The following PIP5K1B variants were observed in gnomAD, a reference collection of about 807,000 sequenced individuals.
PIP5K1B encodes the protein phosphatidylinositol-4-phosphate 5-kinase type 1 beta.
Under a neutral mutation model 67.0 loss-of-function variants are expected in PIP5K1B, and 42 were observed. The ratio of observed to expected loss-of-function variants is 0.63; its 90% CI spans 0.49 to 0.81. The LOEUF (loss-of-function observed/expected upper bound fraction) is 0.81. PIP5K1B is among the 30% of genes least tolerant of loss of function. PIP5K1B has a pLI of 0.00. For synonymous variants in PIP5K1B, 214 were observed against 231.4 expected (o/e 0.92, Z 0.68); for missense variants, 459 against 646.3 (o/e 0.71, Z 3.14).
chr9:68,748,234 A>G (rs1489487000), intron 2 of PIP5K1B, among the ~76,000 whole-genome samples: 4 of 152,206 alleles, frequency 2.6e-5, no homozygotes, highest in Admixed American at 6.5e-5. Context: ...TCCTTTTTAC[A>G]GCTGAATGCC....
intron 7 of PIP5K1B, among the ~76,000 whole-genome samples, chr9:68,889,932 C>G (rs922979317): frequency 1.3e-5 from 2 of 152,096 alleles, no homozygotes; most frequent in African/African-American, 4.8e-5. Context: ...GCCTTAAGTG[C>G]TTTGCATTCA....
At chr9:68,718,213 A>G (rs1827719315) in intron 1 of PIP5K1B, among the ~76,000 whole-genome samples, 1 of 152,216 alleles carries the variant, frequency 6.6e-6, no homozygotes, top group Non-Finnish European at 1.5e-5. Flanking sequence ...GAGTAGACAT[A>G]TGATAGAACT....
intron 8 of PIP5K1B, among the ~76,000 whole-genome samples, chr9:68,913,541 T>C (rs1176474893): frequency 6.6e-6 from 1 of 152,268 alleles, no homozygotes; most frequent in Non-Finnish European, 1.5e-5. Flanking sequence ...GACTAAAATC[T>C]GTTCCCAGAG....
At chr9:68,953,862 A>G (rs1828234332) in intron 14 of PIP5K1B, among the ~76,000 whole-genome samples, 2 of 151,010 alleles carry the variant, frequency 1.3e-5, no homozygotes. Flanking sequence ...ACTTGAGCAG[A>G]GCTTGTTGAC....
intron 6 of PIP5K1B, among the ~76,000 whole-genome samples, chr9:68,880,291 G>C (rs576369073): frequency 6.6e-6 from 1 of 152,168 alleles, no homozygotes; most frequent in Non-Finnish European, 1.5e-5. Context: ...GGTGGCTCAC[G>C]CCTGTAATCC....
Position 68,705,832 on chromosome 9 carries a change from G to C in PIP5K1B, c.-243+70G>C, listed in dbSNP as rs554472585. ...TGAGGGGCTTGCGCTTAGGGGCTCT[G>C]CATCTCTGCTGAAACCCGTCGGTCT... On this transcript the variant is annotated intron_variant, in intron 1 of 15. Coordinates refer to ENST00000265382, the MANE Select transcript of PIP5K1B (RefSeq NM_003558.4). 3.3e-5 allele frequency: 5 copies of C among 152,282 alleles called. No homozygotes were observed. The South Asian group carries it at 1.0e-3, about 32-fold the overall frequency. 9.4% of individuals were successfully genotyped at this position (152,282 alleles called of 1,614,324 possible). A position where few individuals can be genotyped will look rare whatever the true frequency, so the allele number is the denominator to read the frequency against.
chr9:68,731,275 ATATT>A (rs1263424908), intron 1 of PIP5K1B, among the ~76,000 whole-genome samples: 3 of 152,230 alleles, frequency 2.0e-5, no homozygotes, highest in African/African-American at 7.2e-5. Context: ...TAGGACGTAT[ATATT>A]TTGTGGGGAA....
At chr9:68,962,218 CAT>C (rs1828789860) in intron 14 of PIP5K1B, among the ~76,000 whole-genome samples, 1 of 152,054 alleles carries the variant, frequency 6.6e-6, no homozygotes, top group Non-Finnish European at 1.5e-5. Flanking sequence ...AAAAAAAAGA[CAT>C]TAAATAAACA....
At chr9:68,766,169 T>A (rs1416693293) in intron 2 of PIP5K1B, among the ~76,000 whole-genome samples, 1 of 152,144 alleles carries the variant, frequency 6.6e-6, no homozygotes, top group Non-Finnish European at 1.5e-5. Flanking sequence ...AAAAAGAATG[T>A]GCACTAAGAC....
chr9:68,930,649 C>T (rs1826952224), intron 12 of PIP5K1B, among the ~76,000 whole-genome samples: 1 of 151,814 alleles, frequency 6.6e-6, no homozygotes, highest in African/African-American at 2.4e-5. Flanking sequence ...CTTTGCCTCC[C>T]ATCATGTACC....
intron 13 of PIP5K1B, among the ~76,000 whole-genome samples, chr9:68,938,120 G>C (rs1253551938): frequency 1.3e-5 from 2 of 152,130 alleles, no homozygotes; most frequent in African/African-American, 4.8e-5. Context: ...AGGTCCGCTT[G>C]GTCCAGAGCT....
rs917497223 is a variant in PIP5K1B at position 68,863,998 on chromosome 9, A to G, written c.200+31A>G. 2.5e-6 allele frequency: 4 copies of G among 1,608,486 alleles called. No individual in the cohort carries two copies. The African/African-American group carries it at 5.3e-5, about 22-fold the overall frequency. On this transcript the variant is annotated intron_variant, in intron 5 of 15. Coordinates refer to ENST00000265382, the MANE Select transcript of PIP5K1B (RefSeq NM_003558.4). ...AACATTTTTATTTGTGATGATTTCC[A>G]TGCTAAGGAACCTTCTTTGTGACAA... is the stretch of plus-strand genomic sequence containing the variant.
At chr9:68,999,302 A>G (rs1255525478) in intron 15 of PIP5K1B, among the ~76,000 whole-genome samples, 2 of 152,174 alleles carry the variant, frequency 1.3e-5, no homozygotes, top group African/African-American at 2.4e-5. Flanking sequence ...GTGGATAAGA[A>G]TATTGGGGGG....
Position 68,991,324 on chromosome 9 carries a change from A to G in PIP5K1B, c.1620+67A>G. 1.4e-5 allele frequency: 12 copies of G among 843,614 alleles called. 1 individual carries two copies. The Admixed American group carries it at 1.8e-4, about 13-fold the overall frequency. 52.3% of individuals were successfully genotyped at this position (843,614 alleles called of 1,614,324 possible). A position where few individuals can be genotyped will look rare whatever the true frequency, so the allele number is the denominator to read the frequency against. ...TAAATGGATCCAGGCCATGGCTTAC[A>G]CAAGAACAAGTTCAATAAAACCAGG... On this transcript the variant is annotated intron_variant, in intron 15 of 15. Transcript: ENST00000265382.
At chr9:68,788,437 G>A in intron 2 of PIP5K1B, 1 of 512,398 alleles carries the variant, frequency 2.0e-6, no homozygotes, top group Non-Finnish European at 3.6e-6. Context: ...TTAACTACAA[G>A]TTAATTTTAT....
At chr9:68,927,752 T>A (rs547045836) in intron 12 of PIP5K1B, among the ~76,000 whole-genome samples, 44 of 152,282 alleles carry the variant, frequency 2.9e-4, no homozygotes, top group African/African-American at 1.0e-3. Flanking sequence ...AGCACAAAAT[T>A]TTTTAATTTT....
At chr9:68,762,134 G>T (rs1830211855) in intron 2 of PIP5K1B, among the ~76,000 whole-genome samples, 1 of 152,062 alleles carries the variant, frequency 6.6e-6, no homozygotes, top group Non-Finnish European at 1.5e-5. Flanking sequence ...ATTTCTTAAA[G>T]CTGGTTATGT....
At chr9:68,804,626 CTG>C (rs1832771418) in intron 2 of PIP5K1B, among the ~76,000 whole-genome samples, 1 of 141,870 alleles carries the variant, frequency 7.0e-6, no homozygotes, top group Non-Finnish European at 1.5e-5. Flanking sequence ...GGGTCTCACT[CTG>C]TCATTCAGGA....
chr9:68,742,568 C>G lies in PIP5K1B; in HGVS notation c.-175C>G, dbSNP rs1382161551. On this transcript the variant is annotated 5_prime_UTR_variant, in exon 2 of 16. Coordinates refer to ENST00000265382, the MANE Select transcript of PIP5K1B (RefSeq NM_003558.4). The stretch of plus-strand genomic sequence containing the variant: ...AGCCGTCCAACCCCAGTCCTGTGAC[C>G]TTTCTCTGGTGCCTGATACCTCTCA... The G allele has an allele frequency of 6.6e-6, 1 of 152,268 alleles. No individual in the cohort carries two copies. The highest frequency in any genetic ancestry group is 1.5e-5 in the Non-Finnish European group (1 of 68,056). 9.4% of individuals were successfully genotyped at this position (152,268 alleles called of 1,614,324 possible).
Sources: gnomAD v4.1 joint callset for allele counts (sites outside exome capture counted in the v4.1 genomes callset) on GRCh38, gnomAD v4.1.1 for gene constraint, MANE v1.5 for transcripts, NCBI Gene and HGNC (gene_info 2026-07-23, HGNC 2026-07-21) for gene names.